The following CGNL1 variants were observed in gnomAD, a reference collection of about 807,000 sequenced individuals.
CGNL1 encodes the protein cingulin-like protein 1.
A neutral mutation model predicts 141.2 loss-of-function variants in CGNL1; 132 were observed. The observed-to-expected ratio is 0.93, with a 90% CI of 0.81 to 1.08. The LOEUF is 1.08. CGNL1 is among the 50% of genes least tolerant of loss of function. CGNL1 has a pLI of 0.00. For synonymous variants in CGNL1, 690 were observed against 622.1 expected, an observed-to-expected ratio of 1.11 and a Z score of -1.63; for missense variants, 1,870 against 1,588.6, an observed-to-expected ratio of 1.18 and a Z score of -3.01.
chr15:57,415,565 C>A (rs1339757855), intron 1 of CGNL1, among the ~76,000 whole-genome samples: 1 of 152,174 alleles, frequency 6.6e-6, no homozygotes, highest in Non-Finnish European at 1.5e-5. Context: ...TCATTTTAAG[C>A]CACTAAATTG....
intron 8 of CGNL1, among the ~76,000 whole-genome samples, chr15:57,488,933 G>A (rs1349746037): frequency 6.6e-6 from 1 of 152,156 alleles, no homozygotes; most frequent in East Asian, 1.9e-4. Context: ...AGGAGGCCAG[G>A]TTGAAATTGA....
At chr15:57,505,431 C>G (rs1263821021) in intron 8 of CGNL1, among the ~76,000 whole-genome samples, 1 of 152,122 alleles carries the variant, frequency 6.6e-6, no homozygotes, top group East Asian at 1.9e-4. Context: ...CTATTCTGGC[C>G]CCATTCCCCT....
At chr15:57,393,165 A>C (rs1420123846) in intron 1 of CGNL1, among the ~76,000 whole-genome samples, 2 of 152,236 alleles carry the variant, frequency 1.3e-5, no homozygotes, top group Non-Finnish European at 2.9e-5. Context: ...TTTGATGCTC[A>C]TAAATCAAAA....
intron 1 of CGNL1, among the ~76,000 whole-genome samples, chr15:57,404,715 A>G (rs2062695957): frequency 6.6e-6 from 1 of 152,154 alleles, no homozygotes. Context: ...CTTCCCAGTA[A>G]AGAGGTCATG....
At chr15:57,527,233 G>C (rs1834852198) in intron 12 of CGNL1, 1 of 147,144 alleles carries the variant, frequency 6.8e-6, no homozygotes, top group African/African-American at 2.4e-5. Context: ...AGGCTAGGCT[G>C]TTCTCTTAGA....
Position 57,439,577 on chromosome 15 carries a change from A to C in CGNL1, c.1578A>C (p.Thr526=), listed in dbSNP as rs761031948. ...GTGCCAAGAAAATTTCCGTGAAGAC[A>C]TTTCCTTCGGCCTCAAATACTCAGG... ...DSGAKKISVK[T]FPSASNTQAT... is the part of the protein sequence containing the mutation. The change falls in exon 2 of 19, where the codon ACA becomes ACC. Residue 526 remains threonine, a synonymous_variant. Coordinates refer to ENST00000281282, the MANE Select transcript of CGNL1 (RefSeq NM_032866.5). 1 of 1,613,458 alleles carries C rather than the reference A, an allele frequency of 6.2e-7. No homozygotes were observed. The highest frequency in any genetic ancestry group is 2.2e-5 in the East Asian group (1 of 44,890).
intron 8 of CGNL1, among the ~76,000 whole-genome samples, chr15:57,504,084 C>T (rs1023457989): frequency 2.6e-5 from 4 of 152,074 alleles, no homozygotes; most frequent in Admixed American, 6.6e-5. Context: ...ACAGAGCCTC[C>T]GGGTTCACTG....
In CGNL1 at chr15:57,461,873, G is replaced by A; in HGVS notation, c.2384G>A (p.Ser795Asn). Reference protein sequence around the residue: ...YDAELQALRESVEEATKNVEV... With the variant: ...YDAELQALRENVEEATKNVEV... ...GCTGAGTTGCAGGCCCTGAGGGAGA[G>A]TGTGGAAGAAGCAACCAAGGTGAGG... Residue 795 changes from serine (S) to asparagine (N), a missense_variant, in exon 8 of 19, where the codon AGT (serine) becomes AAT (asparagine). Coordinates refer to ENST00000281282, the MANE Select transcript of CGNL1 (RefSeq NM_032866.5). The A allele has an allele frequency of 6.2e-7, 1 of 1,613,874 alleles. No individual in the cohort carries two copies. Among genetic ancestry groups the A allele is most frequent in the Non-Finnish European group, 8.5e-7 (1 of 1,179,918 alleles).
chr15:57,384,406 T>C (rs1207031231), intron 1 of CGNL1, among the ~76,000 whole-genome samples: 1 of 152,168 alleles, frequency 6.6e-6, no homozygotes, highest in African/African-American at 2.4e-5. Flanking sequence ...TTACAGGCGA[T>C]AGAAACAAGG....
intron 10 of CGNL1, among the ~76,000 whole-genome samples, chr15:57,519,697 A>G (rs550730423): frequency 2.0e-5 from 3 of 152,260 alleles, no homozygotes; most frequent in Admixed American, 1.3e-4. Flanking sequence ...TTTAAAGCTT[A>G]GGTTGGTTAC....
intron 14 of CGNL1, among the ~76,000 whole-genome samples, chr15:57,534,579 C>G (rs760147838): frequency 6.6e-6 from 1 of 152,222 alleles, no homozygotes; most frequent in Non-Finnish European, 1.5e-5. Flanking sequence ...TGATTCTGAG[C>G]TCTTCTGGTC....
intron 8 of CGNL1, chr15:57,477,687 C>T (rs138964335): frequency 0.034 from 5,183 of 152,354 alleles, 127 homozygotes; most frequent in Middle Eastern, 0.085. Flanking sequence ...TCCTTTGCTG[C>T]TTGGTTTTGG....
chr15:57,440,109 T>TA (rs34790913), intron 2 of CGNL1, among the ~76,000 whole-genome samples: 33,929 of 142,772 alleles, frequency 0.24, 3,863 homozygotes, highest in South Asian at 0.31. Flanking sequence ...GATAAAATGG[T>TA]AAAAAAAAAA....
chr15:57,433,140 A>G (rs1307575648), intron 1 of CGNL1, among the ~76,000 whole-genome samples: 2 of 152,196 alleles, frequency 1.3e-5, no homozygotes, highest in Non-Finnish European at 2.9e-5. Context: ...AGATTATTAG[A>G]AACTTTAACA....
At position 57,545,797 on chromosome 15, in the gene CGNL1, G is replaced by A; in HGVS notation, c.3609+97G>A. The A allele has an allele frequency of 2.0e-6, 2 of 1,004,004 alleles. 1 individual carries two copies. The highest frequency in any genetic ancestry group is 5.2e-5 in the East Asian group (2 of 38,318). The allele number at this position is 1,004,004 out of a possible 1,614,324, so 62.2% of individuals were successfully genotyped here. A position where few individuals can be genotyped will look rare whatever the true frequency, so the allele number is the denominator to read the frequency against. On this transcript the variant is annotated intron_variant, in intron 17 of 18. Coordinates refer to ENST00000281282, the MANE Select transcript of CGNL1 (RefSeq NM_032866.5). Reference sequence around the variant, plus strand: ...AGGCCTCCCTGAGCAGGAGTGGAGTGTGAGTGGGCTGATTCCTCCCTTTCC... The same window carrying A: ...AGGCCTCCCTGAGCAGGAGTGGAGTATGAGTGGGCTGATTCCTCCCTTTCC...
At chr15:57,437,619 CAAAAAAAAAAAAAAAA>C (rs540499763) in intron 1 of CGNL1, among the ~76,000 whole-genome samples, 7 of 36,088 alleles carry the variant, frequency 1.9e-4, no homozygotes, top group African/African-American at 8.3e-4. Context: ...AACTAAACAG[CAAAAAAAAAAAAAAAA>C]AAAAAAAAAA....
chr15:57,396,576 T>C (rs2062605381), intron 1 of CGNL1, among the ~76,000 whole-genome samples: 2 of 152,352 alleles, frequency 1.3e-5, no homozygotes, highest in South Asian at 4.1e-4. Flanking sequence ...CCTGGCCTAA[T>C]TGTGTTCATT....
At chr15:57,419,478 A>G (rs1422412993) in intron 1 of CGNL1, among the ~76,000 whole-genome samples, 1 of 152,118 alleles carries the variant, frequency 6.6e-6, no homozygotes, top group African/African-American at 2.4e-5. Context: ...CCAGGATACT[A>G]CATTTAGTTG....
intron 1 of CGNL1, among the ~76,000 whole-genome samples, chr15:57,410,687 C>T (rs2062776670): frequency 6.6e-6 from 1 of 152,172 alleles, no homozygotes; most frequent in African/African-American, 2.4e-5. Context: ...ATATCGGAGG[C>T]TATATTATCT....
Sources: allele counts gnomAD v4.1 joint callset (sites outside exome capture counted in the v4.1 genomes callset), GRCh38; gene constraint gnomAD v4.1.1; transcripts MANE v1.5; gene names NCBI Gene and HGNC (gene_info 2026-07-23, HGNC 2026-07-21).